The following TADA1 variants were observed in gnomAD, a reference collection of about 807,000 sequenced individuals.
TADA1 encodes the protein transcriptional adapter 1.
A neutral mutation model predicts 39.3 loss-of-function variants in TADA1; 23 were observed. The ratio of observed to expected loss-of-function variants is 0.58; its 90% CI spans 0.42 to 0.83. The LOEUF is 0.83. Ranked by LOEUF, TADA1 falls within the 40% of genes least tolerant of loss-of-function variation. The pLI, the probability that TADA1 is intolerant of heterozygous loss-of-function variation, is 0.00. For missense variants in TADA1, 352 were observed against 408.1 expected, an observed-to-expected ratio of 0.86 and a Z score of 1.18; for synonymous variants, 137 against 151.8, an observed-to-expected ratio of 0.90 and a Z score of 0.72.
chr1:166,869,149 T>C, intron 3 of TADA1: 1 of 379,282 alleles, frequency 2.6e-6, no homozygotes, highest in African/African-American at 2.1e-5. Context: ...GAAACAGAAA[T>C]TCAAGCTTTG....
At chr1:166,869,954 C>A in intron 1 of TADA1, 100 bp from the exon 2 acceptor site, 1 of 987,348 alleles carries the variant, frequency 1.0e-6, no homozygotes, top group South Asian at 1.4e-5. Flanking sequence ...TTTATTCTGT[C>A]ACTCAGGCTG....
In TADA1 at chr1:166,869,797, G is replaced by A. The variant is rs527726944; in HGVS notation, c.132C>T (p.Asp44=). The A allele has an allele frequency of 1.7e-5, 28 of 1,613,890 alleles. No individual in the cohort carries two copies. The South Asian group carries it at 2.2e-4, about 13-fold the overall frequency. Residue 44 remains aspartate (D), a synonymous_variant, in exon 2 of 8, where the codon GAC becomes GAT. Coordinates refer to ENST00000367874, the MANE Select transcript of TADA1 (RefSeq NM_053053.4). ...GTGTGAGAAGTCTATGAGCTTCAAG[G>A]TCAAACTCCTCTTTGCTGATCTTCT... The part of the protein sequence containing the change: ...FKQKISKEEF[D]LEAHRLLTQD...
intron 1 of TADA1, among the ~76,000 whole-genome samples, chr1:166,875,103 C>T (rs891293147): frequency 6.6e-6 from 1 of 152,208 alleles, no homozygotes; most frequent in African/African-American, 2.4e-5. Context: ...TAAAAGTATG[C>T]ATCCACTGAG....
chr1:166,872,946 C>T (rs1478473942), intron 1 of TADA1, among the ~76,000 whole-genome samples: 1 of 152,162 alleles, frequency 6.6e-6, no homozygotes, highest in South Asian at 2.1e-4. Context: ...GATTACGAAG[C>T]ACTGGATATA....
chr1:166,860,123 C>A, intron 6 of TADA1, 63 bp downstream of exon 6: 1 of 1,475,694 alleles, frequency 6.8e-7, no homozygotes, highest in Non-Finnish European at 9.2e-7. Context: ...TAACAATGGT[C>A]TATAAGAGGA....
chr1:166,857,781 T>C lies in TADA1; in HGVS notation c.856-62A>G, dbSNP rs572677971. The C allele has an allele frequency of 2.3e-4, 359 of 1,560,172 alleles. 8 individuals carry two copies. In the South Asian group the frequency reaches 4.2e-3, roughly 18 times the overall value. ...TGAGTAGACTTATTTTTCTGACATA[T>C]AAAAGGGTTTATATCAACAAAACAT... On this transcript the variant is annotated intron_variant, in intron 7 of 7. Coordinates refer to ENST00000367874, the MANE Select transcript of TADA1 (RefSeq NM_053053.4).
chr1:166,876,113 A>C, intron 1 of TADA1, 47 bp downstream of exon 1: 7 of 1,558,600 alleles, frequency 4.5e-6, no homozygotes, highest in Non-Finnish European at 5.2e-6. Context: ...CGAGGCCAGG[A>C]GAGCACCCGC....
chr1:166,861,895 A>AT (rs906169867), intron 5 of TADA1, among the ~76,000 whole-genome samples: 23 of 149,678 alleles, frequency 1.5e-4, no homozygotes, highest in African/African-American at 3.7e-4. Flanking sequence ...TCCCTAAAAA[A>AT]TTTTTTTTTT....
At chr1:166,869,611 C>G (rs1658612824) in intron 2 of TADA1, 101 bp from the exon 3 acceptor site, 8 of 1,412,440 alleles carry the variant, frequency 5.7e-6, no homozygotes, top group Non-Finnish European at 6.9e-6. Context: ...ATCCCCTATT[C>G]TGCCATGCTT....
intron 5 of TADA1, among the ~76,000 whole-genome samples, chr1:166,861,815 G>A (rs1209195013): frequency 2.6e-5 from 4 of 152,266 alleles, no homozygotes; most frequent in Middle Eastern, 3.4e-3. Flanking sequence ...AGCACCTTGG[G>A]AGGCCAAGGC....
chr1:166,868,234 A>C (rs1658577185), intron 3 of TADA1, among the ~76,000 whole-genome samples: 1 of 152,220 alleles, frequency 6.6e-6, no homozygotes, highest in African/African-American at 2.4e-5. Context: ...GAGGTGACTT[A>C]CAGCTTAATC....
At chr1:166,870,473 C>A (rs1175951711) in intron 1 of TADA1, among the ~76,000 whole-genome samples, 1 of 152,188 alleles carries the variant, frequency 6.6e-6, no homozygotes, top group East Asian at 1.9e-4. Flanking sequence ...TTTGTTATGG[C>A]AGCCCTAGCA....
At chr1:166,869,632 G>T (rs1290896264) in intron 2 of TADA1, 122 bp from the exon 3 acceptor site, 3 of 1,032,040 alleles carry the variant, frequency 2.9e-6, no homozygotes, top group Non-Finnish European at 2.9e-6. Flanking sequence ...TATACTTAAA[G>T]TATCCACATT....
rs574148649 is a variant in TADA1 at position 166,869,188 on chromosome 1, T to C, written c.232+257A>G. ...GACACTGAAAGGGGTTCAGGAGGTT[T>C]GGGTTCCACTGGAAAGAATTAAAAT... On this transcript the variant is annotated intron_variant, in intron 3 of 7. Transcript: ENST00000367874. 45 of 449,842 alleles carry C rather than the reference T, an allele frequency of 1.0e-4. No individual in the cohort carries two copies. In the East Asian group the frequency reaches 2.0e-3, roughly 20 times the overall value. 27.9% of individuals were successfully genotyped at this position (449,842 alleles called of 1,614,324 possible).
At chr1:166,867,563 G>A (rs1196787060) in intron 3 of TADA1, among the ~76,000 whole-genome samples, 1 of 151,876 alleles carries the variant, frequency 6.6e-6, no homozygotes, top group African/African-American at 2.4e-5. Context: ...CAAAGAACGA[G>A]GTGTTAGGAG....
intron 5 of TADA1, among the ~76,000 whole-genome samples, chr1:166,861,054 G>A (rs16858144): frequency 0.028 from 4,321 of 152,248 alleles, 90 homozygotes; most frequent in African/African-American, 0.045. Context: ...AAATCCTTGC[G>A]TGAAAAGAAC....
chr1:166,862,773 G>T (rs960445819), intron 4 of TADA1: 4 of 249,858 alleles, frequency 1.6e-5, no homozygotes, highest in Admixed American at 1.5e-4. Context: ...CCGTAAGTAG[G>T]TTCTAAAAGT....
intron 3 of TADA1, among the ~76,000 whole-genome samples, chr1:166,865,942 A>T (rs565750459): frequency 6.6e-6 from 1 of 152,086 alleles, no homozygotes; most frequent in Admixed American, 6.5e-5. Context: ...GAAAAAAAAA[A>T]TATTCCAGAT....
chr1:166,863,832 T>C lies in TADA1; in HGVS notation c.322A>G (p.Lys108Glu). 6.2e-7 allele frequency: 1 copy of C among 1,612,244 alleles called. No individual in the cohort carries two copies. The highest frequency in any genetic ancestry group is 8.5e-7 in the Non-Finnish European group (1 of 1,179,626). Reference protein sequence around the residue: ...GKKKLSSVRQKFDHRFQPQNP... With the variant: ...GKKKLSSVRQEFDHRFQPQNP... ...ATTAAAGAACAACCTACATCAAATT[T>C]CTGACGAACAGAAGAAAGCTTTTTC... The change falls in exon 4 of 8, where the codon AAA (lysine) becomes GAA (glutamate). Residue 108 changes from lysine to glutamate, a missense_variant. Physicochemically the swap from Lys to Glu is moderately conservative, Grantham distance 56 (BLOSUM62 1). Coordinates refer to ENST00000367874, the MANE Select transcript of TADA1 (RefSeq NM_053053.4).
Sources: allele counts gnomAD v4.1 joint callset (sites outside exome capture counted in the v4.1 genomes callset), GRCh38; gene constraint gnomAD v4.1.1; transcripts MANE v1.5; gene names NCBI Gene and HGNC (gene_info 2026-07-23, HGNC 2026-07-21).